Variants in SNX25 observed in about 807,000 individuals in gnomAD.
SNX25 encodes sorting nexin 25, also known as sorting nexin-25.
Under a neutral mutation model 113.7 loss-of-function variants are expected in SNX25, and 62 were observed. The observed-to-expected ratio is 0.55, with a 90% CI of 0.44 to 0.67. SNX25 has a LOEUF of 0.67. Ranked by LOEUF, SNX25 falls within the 30% of genes least tolerant of loss-of-function variation. SNX25 has a pLI of 0.00. For missense variants in SNX25, 1,014 were observed against 1,161.0 expected (o/e 0.87, Z 1.84); for synonymous variants, 421 against 436.2 (o/e 0.97, Z 0.43).
intron 5 of SNX25, among the ~76,000 whole-genome samples, chr4:185,275,423 A>C (rs1749520687): frequency 6.6e-6 from 1 of 152,174 alleles, no homozygotes; most frequent in South Asian, 2.1e-4. Context: ...AAGCAAGAGG[A>C]AAGGGGCATA....
At chr4:185,367,816 A>G (rs1246187699), downstream of SNX25, among the ~76,000 whole-genome samples, 4 of 152,108 alleles carry the variant, frequency 2.6e-5, no homozygotes, top group African/African-American at 7.2e-5. Context: ...CACATTCTAC[A>G]TATGTAGAAG....
intron 2 of SNX25, among the ~76,000 whole-genome samples, chr4:185,254,221 C>G (rs1002640073): frequency 2.0e-5 from 3 of 151,986 alleles, no homozygotes; most frequent in African/African-American, 7.2e-5. Flanking sequence ...AAATACATAG[C>G]TCTATCAATC....
At position 185,334,140 on chromosome 4, in the gene SNX25, GC is replaced by G. The variant is rs1185279923; in HGVS notation, c.1914+1383del. On this transcript the variant is annotated intron_variant, in intron 10 of 18. Coordinates refer to ENST00000652585, the MANE Select transcript of SNX25 (RefSeq NM_001378034.2). This position sits in a 1 kb window ranked among gnomAD's most constrained non-coding sequence, Gnocchi z 4.2. ...GATCACTTGAGGTCAGGAGCTCGAG[GC>G]CAGCCTGGCCAACATGATGAAACCC... Among the ~76,000 whole-genome samples, 1 of 151,658 alleles carries G rather than the reference GC, an allele frequency of 6.6e-6. No homozygotes were observed. The highest frequency in any genetic ancestry group is 1.5e-5 in the Non-Finnish European group (1 of 67,944).
chr4:185,288,727 A>G (rs1043986279), intron 6 of SNX25, among the ~76,000 whole-genome samples: 8 of 152,152 alleles, frequency 5.3e-5, no homozygotes, highest in African/African-American at 1.9e-4. Context: ...AGGTGTGAGG[A>G]TGGCTCTCAA....
intron 15 of SNX25, among the ~76,000 whole-genome samples, chr4:185,357,047 CAGAT>C (rs2095342395): frequency 6.6e-6 from 1 of 152,138 alleles, no homozygotes; most frequent in Non-Finnish European, 1.5e-5. Flanking sequence ...CCTTCCTTTC[CAGAT>C]GAGGAAATTG....
At chr4:185,360,950 T>TATATATATATATATATATATATAGATAG (rs1048534398) in intron 16 of SNX25, among the ~76,000 whole-genome samples, 17 of 141,786 alleles carry the variant, frequency 1.2e-4, no homozygotes, top group South Asian at 6.6e-4. Context: ...TATATATATA[T>TATATATATATATATATATATATAGATAG]ATAGAATCTG....
chr4:185,246,907 C>T (rs1442144427), intron 1 of SNX25, among the ~76,000 whole-genome samples: 1 of 152,118 alleles, frequency 6.6e-6, no homozygotes, highest in African/African-American at 2.4e-5. Flanking sequence ...CTTTTATTCC[C>T]ATGTGAATAT....
intron 1 of SNX25, among the ~76,000 whole-genome samples, chr4:185,220,388 C>T (rs1024420554): frequency 2.0e-5 from 3 of 151,814 alleles, no homozygotes; most frequent in South Asian, 2.1e-4. Flanking sequence ...CCCATTAACT[C>T]GTCATTTAGC....
chr4:185,248,495 T>G (rs777335840), intron 2 of SNX25, among the ~76,000 whole-genome samples: 15 of 151,290 alleles, frequency 9.9e-5, no homozygotes, highest in Non-Finnish European at 2.1e-4. Context: ...CTGCAAAAAA[T>G]ACAAAAATTA....
chr4:185,227,204 G>A (rs570708638), intron 1 of SNX25, among the ~76,000 whole-genome samples: 38 of 152,364 alleles, frequency 2.5e-4, no homozygotes, highest in African/African-American at 5.5e-4. Context: ...GCAGGTGCCC[G>A]TTTGTTACCC....
chr4:185,220,411 T>C (rs1324116798), intron 1 of SNX25, among the ~76,000 whole-genome samples: 3 of 151,922 alleles, frequency 2.0e-5, no homozygotes, highest in African/African-American at 7.3e-5. Context: ...TAGGTATATC[T>C]CCTAATGCTT....
chr4:185,332,559 A>G lies in SNX25; in HGVS notation c.1750-36A>G, dbSNP rs999974907. ...GATAATAATTACTGAATTTTCTATC[A>G]TTATAAGATATGGTGGTATGTGACT... On this transcript the variant is annotated intron_variant, in intron 9 of 18. Coordinates refer to ENST00000652585, the MANE Select transcript of SNX25 (RefSeq NM_001378034.2). The G allele has an allele frequency of 3.3e-6, 5 of 1,528,814 alleles. No individual in the cohort carries two copies. The Admixed American group carries it at 6.1e-5, about 19-fold the overall frequency. The allele number at this position is 1,528,814 out of a possible 1,614,324, so 94.7% of individuals were successfully genotyped here.
chr4:185,352,571 T>C (rs754630652), intron 14 of SNX25, among the ~76,000 whole-genome samples: 1 of 152,168 alleles, frequency 6.6e-6, no homozygotes, highest in Middle Eastern at 3.2e-3. Flanking sequence ...CTGGAGTTAA[T>C]ATATGACTCA....
At chr4:185,305,121 T>A (rs901349370) in intron 6 of SNX25, among the ~76,000 whole-genome samples, 4 of 152,116 alleles carry the variant, frequency 2.6e-5, no homozygotes, top group Non-Finnish European at 4.4e-5. Context: ...AGGGGACATG[T>A]GACAATAGTC....
intron 6 of SNX25, among the ~76,000 whole-genome samples, chr4:185,306,133 G>C (rs1754437080): frequency 6.6e-6 from 1 of 152,212 alleles, no homozygotes; most frequent in Non-Finnish European, 1.5e-5. Flanking sequence ...TTCTTGATGT[G>C]AATATTTCTT....
intron 6 of SNX25, among the ~76,000 whole-genome samples, chr4:185,297,410 G>A (rs1300213788): frequency 6.6e-6 from 1 of 152,150 alleles, no homozygotes; most frequent in Non-Finnish European, 1.5e-5. Flanking sequence ...CAGAGATCCT[G>A]TACCTTTCTA....
intron 6 of SNX25, among the ~76,000 whole-genome samples, chr4:185,294,609 A>G (rs1752602400): frequency 6.6e-6 from 1 of 152,210 alleles, no homozygotes; most frequent in Non-Finnish European, 1.5e-5. Flanking sequence ...AGTTACCATT[A>G]TAGAGACAGT....
chr4:185,353,264 T>C, intron 14 of SNX25: 2 of 431,830 alleles, frequency 4.6e-6, no homozygotes, highest in East Asian at 6.7e-5. Context: ...GCGACAGATT[T>C]TTTTTTAAAT....
intron 2 of SNX25, 117 bp from the exon 3 acceptor site, chr4:185,258,731 C>G: frequency 1.3e-6 from 1 of 771,414 alleles, no homozygotes; most frequent in Non-Finnish European, 2.1e-6. Flanking sequence ...GTTTTCTCCT[C>G]TCTTTAATTT....
Sources: allele counts gnomAD v4.1 joint callset (sites outside exome capture counted in the v4.1 genomes callset), GRCh38; gene constraint gnomAD v4.1.1; non-coding constraint Gnocchi (gnomAD v3.1); transcripts MANE v1.5; gene names NCBI Gene and HGNC (gene_info 2026-07-23, HGNC 2026-07-21).